Variants in GALNT17 observed in about 807,000 individuals in gnomAD.
GALNT17 encodes the protein UDP-GalNAc:polypeptide N-acetylgalactosaminyltransferase-like 3.
Under a neutral mutation model 63.7 loss-of-function variants are expected in GALNT17, and 29 were observed. The observed-to-expected ratio is 0.46, with a 90% CI of 0.34 to 0.62. GALNT17 has a LOEUF of 0.62. GALNT17 is among the 20% of genes least tolerant of loss of function. The pLI is 0.01. For synonymous variants in GALNT17, 305 were observed against 318.3 expected (o/e 0.96, Z 0.45); for missense variants, 603 against 799.6 (o/e 0.75, Z 2.97).
rs143355909 is a variant in GALNT17, at chr7:71,274,652, A to C, written c.239-60898A>C. Among the ~76,000 whole-genome samples the C allele has an allele frequency of 2.3e-4, 35 of 152,294 alleles. 1 individual carries two copies. The East Asian group carries it at 6.6e-3, about 29-fold the overall frequency. On this transcript the variant is annotated intron_variant, in intron 1 of 10. Coordinates refer to ENST00000333538, the MANE Select transcript of GALNT17 (RefSeq NM_022479.3). ...CATTGGTCTGGAACACACCATCCAC[A>C]TCAGTGCACATGAAAATAGTTCAAA...
chr7:71,377,943 ACCT>A lies in GALNT17; in HGVS notation c.423-10290_423-10288del, dbSNP rs74828547. ...CCATGTGGAGCTGTGAGTCCATTAA[ACCT>A]CTTTCCTTTATAAATTACCCAGTCT... On this transcript the variant is annotated intron_variant, in intron 2 of 10. Transcript: ENST00000333538. Among the ~76,000 whole-genome samples the A allele has an allele frequency of 9.5e-3, 1,433 of 150,756 alleles. 14 individuals carry two copies. Among genetic ancestry groups the A allele is most frequent in the Admixed American group, 0.018 (270 of 15,124 alleles).
At chr7:71,149,649 C>G (rs1449248226) in intron 1 of GALNT17, among the ~76,000 whole-genome samples, 2 of 152,132 alleles carry the variant, frequency 1.3e-5, no homozygotes, top group Non-Finnish European at 2.9e-5. Context: ...ATAATTAGAA[C>G]AAAATGTGAG....
At chr7:71,267,844 C>T (rs956679126) in intron 1 of GALNT17, among the ~76,000 whole-genome samples, 2 of 151,496 alleles carry the variant, frequency 1.3e-5, no homozygotes, top group Non-Finnish European at 2.9e-5. Flanking sequence ...AATGCTCTCC[C>T]TCCCCCCACC....
At chr7:71,429,536 T>G (rs965693793) in intron 5 of GALNT17, among the ~76,000 whole-genome samples, 4 of 152,202 alleles carry the variant, frequency 2.6e-5, no homozygotes, top group Non-Finnish European at 5.9e-5. Context: ...CCAGGATTTC[T>G]TTTTCTTAGT....
intron 1 of GALNT17, among the ~76,000 whole-genome samples, chr7:71,148,076 T>C (rs1461194235): frequency 2.6e-5 from 4 of 152,226 alleles, no homozygotes; most frequent in African/African-American, 9.6e-5. Context: ...TTCCTCAAAA[T>C]GATTTGTTGT....
chr7:71,602,379 A>G (rs1562706635), intron 6 of GALNT17, among the ~76,000 whole-genome samples: 1 of 152,072 alleles, frequency 6.6e-6, no homozygotes, highest in East Asian at 1.9e-4. Context: ...CCCAGCACAC[A>G]CCCCAAAACA....
chr7:71,508,267 T>TC (rs1788298528), intron 5 of GALNT17, among the ~76,000 whole-genome samples: 6 of 152,190 alleles, frequency 3.9e-5, no homozygotes, highest in Admixed American at 3.9e-4. Flanking sequence ...TTGATCAGCA[T>TC]ATTTTTAAAA....
chr7:71,670,287 A>G (rs80243302), intron 8 of GALNT17, among the ~76,000 whole-genome samples, 178 bp downstream of exon 8: 3,915 of 152,248 alleles, frequency 0.026, 86 homozygotes, highest in African/African-American at 0.061. Flanking sequence ...AAATGTGATG[A>G]ATGTTACAAT....
chr7:71,505,045 C>T (rs1223765290), intron 5 of GALNT17, among the ~76,000 whole-genome samples: 2 of 152,178 alleles, frequency 1.3e-5, no homozygotes, highest in Non-Finnish European at 1.5e-5. Context: ...TACACTGCAT[C>T]ATGTAGTGGC....
chr7:71,268,963 G>A (rs1790538958), intron 1 of GALNT17, among the ~76,000 whole-genome samples: 2 of 152,214 alleles, frequency 1.3e-5, no homozygotes, highest in African/African-American at 4.8e-5. Context: ...TAGGCTGGCT[G>A]CAGAGGGGAT....
intron 1 of GALNT17, among the ~76,000 whole-genome samples, chr7:71,321,695 C>T (rs1791608567): frequency 2.0e-5 from 3 of 150,188 alleles, no homozygotes; most frequent in South Asian, 4.2e-4. Flanking sequence ...GCAACCTCCG[C>T]CTCCCAGGCT....
In GALNT17 at chr7:71,691,563, G is replaced by A. The variant is rs1791443372; in HGVS notation, c.1500+14257G>A. Among the ~76,000 whole-genome samples the A allele has an allele frequency of 2.0e-5, 3 of 152,206 alleles. No homozygotes were observed. In the South Asian group the frequency reaches 6.2e-4, roughly 32 times the overall value. ...TGTACTATTTCTTTCCTGCCAGAAT[G>A]GATTGATGAGCTATTCTTTCCAGGA... On this transcript the variant is annotated intron_variant, in intron 9 of 10. Coordinates refer to ENST00000333538, the MANE Select transcript of GALNT17 (RefSeq NM_022479.3).
chr7:71,183,576 AT>A (rs1409959467), intron 1 of GALNT17, among the ~76,000 whole-genome samples: 1 of 152,082 alleles, frequency 6.6e-6, no homozygotes, highest in African/African-American at 2.4e-5. Flanking sequence ...CCCCATGGAG[AT>A]CCCCCGAGCC....
At chr7:71,407,908 G>A (rs949727656) in intron 3 of GALNT17, among the ~76,000 whole-genome samples, 2 of 152,178 alleles carry the variant, frequency 1.3e-5, no homozygotes, top group African/African-American at 2.4e-5. Flanking sequence ...CCAGGGGTTG[G>A]GAAAGGGGAG....
chr7:71,390,427 C>T (rs555092671), intron 3 of GALNT17, among the ~76,000 whole-genome samples: 6 of 152,246 alleles, frequency 3.9e-5, no homozygotes, highest in South Asian at 4.2e-4. Context: ...AGAGATGGGT[C>T]ATTTGTTGGA....
intron 1 of GALNT17, among the ~76,000 whole-genome samples, chr7:71,228,672 T>G (rs571826992): frequency 6.6e-6 from 1 of 152,310 alleles, no homozygotes; most frequent in African/African-American, 2.4e-5. Context: ...AATCTTTCTA[T>G]GCTTTGTCTT....
chr7:71,253,134 G>A (rs980371495), intron 1 of GALNT17, among the ~76,000 whole-genome samples: 2 of 152,142 alleles, frequency 1.3e-5, no homozygotes, highest in Admixed American at 6.5e-5. Context: ...ATGCAACCAC[G>A]TACCTCTTTT....
intron 5 of GALNT17, among the ~76,000 whole-genome samples, chr7:71,441,179 C>T (rs903633724): frequency 6.6e-6 from 1 of 152,018 alleles, no homozygotes; most frequent in Admixed American, 6.6e-5. Context: ...CCCGCCACCA[C>T]GCCCGGCTGA....
chr7:71,376,195 T>C (rs1018258183), intron 2 of GALNT17, among the ~76,000 whole-genome samples: 15 of 152,176 alleles, frequency 9.9e-5, no homozygotes, highest in African/African-American at 3.6e-4. Flanking sequence ...CTGATGTATT[T>C]TCATCCCTCT....
Sources: gnomAD v4.1 joint callset for allele counts (sites outside exome capture counted in the v4.1 genomes callset) on GRCh38, gnomAD v4.1.1 for gene constraint, MANE v1.5 for transcripts, NCBI Gene and HGNC (gene_info 2026-07-23, HGNC 2026-07-21) for gene names.